NBEA: variants seen among roughly 807,000 people sequenced by gnomAD.
The protein encoded by NBEA is lysosomal-trafficking regulator 2.
In NBEA, 44 loss-of-function variants were observed where a neutral mutation model predicts 343.4. The ratio of observed to expected loss-of-function variants is 0.13; its 90% CI spans 0.10 to 0.16. NBEA has a LOEUF of 0.16. Ranked by LOEUF, NBEA falls within the 10% of genes least tolerant of loss-of-function variation. The probability of loss-of-function intolerance (pLI) is 1.00; values close to 1 mark genes in which losing one functional copy is unlikely to be tolerated. For missense variants in NBEA, 2,555 were observed against 3,631.3 expected (o/e 0.70, Z 7.62); for synonymous variants, 1,175 against 1,238.7 (o/e 0.95, Z 1.08).
intron 13 of NBEA, among the ~76,000 whole-genome samples, chr13:35,113,400 G>A (rs559586172): frequency 1.3e-4 from 20 of 151,904 alleles, no homozygotes; most frequent in Admixed American, 4.6e-4. Context: ...ATAAGTATTT[G>A]GTGGAGAAAT....
rs144539299 is a variant in NBEA, at chr13:35,471,725, C to G, written c.6449-675C>G. ...CACTTTCGCACGGTTTTTTGAGAAC[C>G]GTTTTGTTCAAGCGTCTTACATTTT... On this transcript the variant is annotated intron_variant, in intron 40 of 58. Transcript: ENST00000379939. Among the ~76,000 whole-genome samples, 599 of 152,188 alleles carry G rather than the reference C, an allele frequency of 3.9e-3. 9 individuals carry two copies. The highest frequency in any genetic ancestry group is 0.014 in the African/African-American group (561 of 41,516).
intron 17 of NBEA, among the ~76,000 whole-genome samples, chr13:35,130,778 A>T (rs2067377905): frequency 6.6e-6 from 1 of 152,094 alleles, no homozygotes; most frequent in Admixed American, 6.5e-5. Flanking sequence ...AGAAATTTAA[A>T]CAAATTGTCA....
chr13:35,487,441 C>T (rs559180349), intron 41 of NBEA, among the ~76,000 whole-genome samples: 10 of 151,834 alleles, frequency 6.6e-5, no homozygotes, highest in East Asian at 1.9e-4. Flanking sequence ...GTAATTCTGC[C>T]GCATAAGTCA....
In NBEA at chr13:34,975,127, G is replaced by A. The variant is rs563977357; in HGVS notation, c.294+32013G>A. 8.5e-5 allele frequency among the ~76,000 whole-genome samples: 13 copies of A among 152,238 alleles called. No homozygotes were observed. In the East Asian group the frequency reaches 2.3e-3, roughly 27 times the overall value. ...TGCACAAGACTCAAGCCTTTTACTG[G>A]TTTTCTTCCTAACAGACATAATTTC... On this transcript the variant is annotated intron_variant, in intron 1 of 58. Coordinates refer to ENST00000379939, the MANE Select transcript of NBEA (RefSeq NM_001385012.1).
intron 35 of NBEA, among the ~76,000 whole-genome samples, chr13:35,308,454 A>ATATATATATATATATATATATATG (rs1566596883): frequency 6.0e-5 from 7 of 117,094 alleles, no homozygotes; most frequent in African/African-American, 2.9e-4. Flanking sequence ...ATATATATAT[A>ATATATATATATATATATATATATG]TATATATATA....
chr13:35,208,261 T>C (rs2073530682), intron 31 of NBEA, among the ~76,000 whole-genome samples: 1 of 152,036 alleles, frequency 6.6e-6, no homozygotes, highest in Non-Finnish European at 1.5e-5. Context: ...AAAAAAGAAT[T>C]TGGCATTCAA....
At chr13:35,255,001 A>T (rs1319618542) in intron 34 of NBEA, among the ~76,000 whole-genome samples, 9 of 152,178 alleles carry the variant, frequency 5.9e-5, no homozygotes, top group Admixed American at 2.0e-4. Flanking sequence ...AGTTTCTGTT[A>T]CTAAAGTTTT....
At chr13:35,449,305 G>A (rs564315910) in intron 39 of NBEA, among the ~76,000 whole-genome samples, 7 of 152,318 alleles carry the variant, frequency 4.6e-5, no homozygotes, top group East Asian at 3.9e-4. Context: ...TATGGAAGGC[G>A]GTGTGAGTCA....
intron 34 of NBEA, among the ~76,000 whole-genome samples, chr13:35,263,508 T>A (rs2033395007): frequency 6.6e-6 from 1 of 152,162 alleles, no homozygotes; most frequent in African/African-American, 2.4e-5. Context: ...TGGAGCATTC[T>A]CCAGAATAGA....
intron 38 of NBEA, among the ~76,000 whole-genome samples, chr13:35,354,289 ATACT>A (rs779719931): frequency 4.6e-5 from 7 of 152,198 alleles, no homozygotes; most frequent in Non-Finnish European, 8.8e-5. Context: ...TTATCTATTA[ATACT>A]TACTTATATG....
chr13:35,116,760 G>A (rs2066511746), intron 13 of NBEA, among the ~76,000 whole-genome samples: 1 of 151,774 alleles, frequency 6.6e-6, no homozygotes, highest in South Asian at 2.1e-4. Context: ...TGTATATTAT[G>A]CATATTAGAA....
At chr13:35,456,282 G>A (rs1316230742) in intron 40 of NBEA, among the ~76,000 whole-genome samples, 1 of 151,902 alleles carries the variant, frequency 6.6e-6, no homozygotes, top group Admixed American at 6.6e-5. Context: ...TTCCCAAGCT[G>A]TTCGTCTCAA....
intron 41 of NBEA, chr13:35,475,492 T>C (rs1303038124): frequency 6.2e-7 from 1 of 1,611,406 alleles, no homozygotes; most frequent in Admixed American, 1.7e-5. Context: ...GGCCAAGGAG[T>C]GGCACTCCTT....
intron 27 of NBEA, 105 bp downstream of exon 27, chr13:35,173,699 G>A (rs948719182): frequency 3.6e-6 from 4 of 1,108,056 alleles, no homozygotes; most frequent in East Asian, 2.7e-5. Context: ...TAGAGAGCAA[G>A]GACATTGTCA....
chr13:35,296,756 A>T (rs1350276129), intron 35 of NBEA, among the ~76,000 whole-genome samples: 1 of 151,954 alleles, frequency 6.6e-6, no homozygotes, highest in Admixed American at 6.6e-5. Context: ...ATATATATAT[A>T]TTTCACACTT....
chr13:35,617,902 A>G (rs186268628), intron 48 of NBEA, among the ~76,000 whole-genome samples: 88 of 152,360 alleles, frequency 5.8e-4, no homozygotes, highest in African/African-American at 1.9e-3. Flanking sequence ...TAATATACAA[A>G]GTCTAGGCAC....
chr13:35,384,245 A>C (rs1377788208), intron 38 of NBEA, among the ~76,000 whole-genome samples: 3 of 152,200 alleles, frequency 2.0e-5, no homozygotes, highest in Non-Finnish European at 2.9e-5. Flanking sequence ...GTAATGTTCT[A>C]AAGAGTATTT....
chr13:35,308,446 ATATATATATATATATATATATATATATG>A (rs1324543943), intron 35 of NBEA, among the ~76,000 whole-genome samples: 2 of 91,870 alleles, frequency 2.2e-5, no homozygotes, highest in Non-Finnish European at 4.0e-5. Flanking sequence ...TACTATATAT[ATATATATATATATATATATATATATATG>A]TATATATATA....
At chr13:35,480,069 A>AC (rs1339156570) in intron 41 of NBEA, among the ~76,000 whole-genome samples, 2 of 151,738 alleles carry the variant, frequency 1.3e-5, no homozygotes, top group Non-Finnish European at 2.9e-5. Flanking sequence ...AAAAAAAAAA[A>AC]AAAAAGCAAT....
Sources: gnomAD v4.1 joint callset for allele counts (sites outside exome capture counted in the v4.1 genomes callset) on GRCh38, gnomAD v4.1.1 for gene constraint, MANE v1.5 for transcripts, NCBI Gene and HGNC (gene_info 2026-07-23, HGNC 2026-07-21) for gene names.